Variants in CA10 observed in about 807,000 individuals in gnomAD.
CA10 encodes carbonic anhydrase 10 (inactive), also known as carbonic anhydrase-related protein 10.
A neutral mutation model predicts 44.2 loss-of-function variants in CA10; 14 were observed. The ratio of observed to expected loss-of-function variants is 0.32; its 90% CI spans 0.21 to 0.50. The LOEUF (loss-of-function observed/expected upper bound fraction) is 0.50, where lower values mean the gene tolerates loss of function less well. Ranked by LOEUF, CA10 falls within the 20% of genes least tolerant of loss-of-function variation. The pLI is 0.99. For synonymous variants in CA10, 159 were observed against 141.6 expected, an observed-to-expected ratio of 1.12 and a Z score of -0.87; for missense variants, 350 against 409.7, an observed-to-expected ratio of 0.85 and a Z score of 1.26.
At chr17:51,970,649 C>T (rs1984248950) in intron 2 of CA10, among the ~76,000 whole-genome samples, 1 of 152,008 alleles carries the variant, frequency 6.6e-6, no homozygotes, top group South Asian at 2.1e-4. Context: ...ATGCATTAAT[C>T]CTTTTGTGAT....
At chr17:51,757,745 T>C (rs1412830379) in intron 3 of CA10, among the ~76,000 whole-genome samples, 1 of 152,230 alleles carries the variant, frequency 6.6e-6, no homozygotes, top group Non-Finnish European at 1.5e-5. Flanking sequence ...CTCTTCTCAC[T>C]GTTTGTCCAG....
At chr17:51,741,268 T>C (rs1423733190) in intron 4 of CA10, among the ~76,000 whole-genome samples, 1 of 152,168 alleles carries the variant, frequency 6.6e-6, no homozygotes, top group Non-Finnish European at 1.5e-5. Context: ...CCCTCCAGGG[T>C]AGCGCTTAAT....
intron 3 of CA10, among the ~76,000 whole-genome samples, chr17:51,828,581 A>T (rs1286863931): frequency 6.6e-6 from 1 of 152,186 alleles, no homozygotes; most frequent in African/African-American, 2.4e-5. Context: ...AGCCAAAATA[A>T]GGCATCCCAA....
At chr17:51,768,665 C>T (rs2143651746) in intron 3 of CA10, among the ~76,000 whole-genome samples, 1 of 152,256 alleles carries the variant, frequency 6.6e-6, no homozygotes, top group East Asian at 1.9e-4. Flanking sequence ...ACAGTGATGA[C>T]AGTTACCTTC....
Position 51,653,710 on chromosome 17 carries a change from C to A in CA10, c.492G>T (p.Glu164Asp), listed in dbSNP as rs1231495184. ...CAGCTTCTGTGACATTCGTATATAG[C>A]TCATGGTTATAGTGGATGAGCTGCA... is the stretch of plus-strand genomic sequence containing the variant. Reference protein sequence around the residue: ...GEVQLIHYNHELYTNVTEAAK... With the variant: ...GEVQLIHYNHDLYTNVTEAAK... Residue 164 changes from glutamate (E) to aspartate (D), a missense_variant, in exon 5 of 9, where the codon GAG (glutamate) becomes GAT (aspartate). Coordinates refer to ENST00000451037, the MANE Select transcript of CA10 (RefSeq NM_020178.5). The A allele has an allele frequency of 6.2e-7, 1 of 1,610,008 alleles. No individual in the cohort carries two copies. The highest frequency in any genetic ancestry group is 8.5e-7 in the Non-Finnish European group (1 of 1,176,352).
chr17:51,705,675 T>C (rs1915741203), intron 4 of CA10, among the ~76,000 whole-genome samples: 1 of 151,938 alleles, frequency 6.6e-6, no homozygotes, highest in African/African-American at 2.4e-5. Context: ...AACTCACTGC[T>C]CATAAGAGCA....
intron 2 of CA10, among the ~76,000 whole-genome samples, chr17:52,021,907 A>G (rs1986153346): frequency 6.6e-6 from 1 of 152,084 alleles, no homozygotes; most frequent in South Asian, 2.1e-4. Context: ...TGAATCAGTC[A>G]TTTTAAAAGA....
intron 3 of CA10, among the ~76,000 whole-genome samples, chr17:51,925,482 T>C (rs1982392752): frequency 6.6e-6 from 1 of 150,794 alleles, no homozygotes; most frequent in African/African-American, 2.4e-5. Context: ...GGAATCCTTG[T>C]GTGTTGCTGA....
At chr17:51,746,308 T>C (rs1904686097) in intron 4 of CA10, among the ~76,000 whole-genome samples, 2 of 152,232 alleles carry the variant, frequency 1.3e-5, no homozygotes, top group Admixed American at 1.3e-4. Context: ...TCAGTGTTTT[T>C]ACATCTGGAA....
At chr17:51,875,663 A>T (rs1047815089) in intron 3 of CA10, among the ~76,000 whole-genome samples, 3 of 152,004 alleles carry the variant, frequency 2.0e-5, no homozygotes, top group African/African-American at 7.3e-5. Flanking sequence ...TTAAAAAGTT[A>T]TTTATATTAC....
chr17:51,873,413 G>T (rs189291540), intron 3 of CA10, among the ~76,000 whole-genome samples: 14 of 152,164 alleles, frequency 9.2e-5, no homozygotes, highest in Non-Finnish European at 1.9e-4. Flanking sequence ...CAGTGCATTA[G>T]GTAGTTGGCA....
intron 2 of CA10, among the ~76,000 whole-genome samples, chr17:52,047,798 T>C (rs532951244): frequency 1.3e-5 from 2 of 152,096 alleles, no homozygotes; most frequent in South Asian, 4.2e-4. Flanking sequence ...ACCTAATATA[T>C]GGAATTTATT....
At chr17:51,830,195 C>CAAAAAAAAAAAAAAAAAAAAAAAA (rs1220410518) in intron 3 of CA10, among the ~76,000 whole-genome samples, 18 of 89,970 alleles carry the variant, frequency 2.0e-4, no homozygotes, top group African/African-American at 3.8e-4. Context: ...GACTCCATCT[C>CAAAAAAAAAAAAAAAAAAAAAAAA]AAAAAAAAAA....
chr17:52,005,923 T>C (rs1162271330), intron 2 of CA10, among the ~76,000 whole-genome samples: 1 of 151,726 alleles, frequency 6.6e-6, no homozygotes, highest in Non-Finnish European at 1.5e-5. Flanking sequence ...TGAGCTGACT[T>C]AAAGGTTCAA....
intron 2 of CA10, among the ~76,000 whole-genome samples, chr17:52,067,017 G>T (rs979715359): frequency 2.0e-5 from 3 of 152,256 alleles, no homozygotes; most frequent in African/African-American, 7.2e-5. Flanking sequence ...GCAGCCTGAT[G>T]ATGTGATAGA....
At chr17:51,729,169 C>A (rs1916627143) in intron 4 of CA10, among the ~76,000 whole-genome samples, 1 of 152,122 alleles carries the variant, frequency 6.6e-6, no homozygotes, top group Non-Finnish European at 1.5e-5. Flanking sequence ...TGACCTCTAG[C>A]CCCACCCTAC....
chr17:51,633,489 C>T lies in CA10; in HGVS notation c.951G>A (p.Lys317=). 1 of 1,613,472 alleles carries T rather than the reference C, an allele frequency of 6.2e-7. No homozygotes were observed. Among genetic ancestry groups the T allele is most frequent in the African/African-American group, 1.3e-5 (1 of 75,054 alleles). The change falls in exon 8 of 9, where the codon AAG becomes AAA. Residue 317 remains lysine, a synonymous_variant. Coordinates refer to ENST00000451037, the MANE Select transcript of CA10 (RefSeq NM_020178.5). The part of the protein sequence containing the change: ...GKDCPNNRAQ[K]LQYRVNEWLL... ...CACCAAACCCACCTCTATACTGAAG[C>T]TTCTGGGCTCGGTTGTTTGGACAGT...
At chr17:51,895,962 T>C (rs1981049935) in intron 3 of CA10, among the ~76,000 whole-genome samples, 1 of 152,096 alleles carries the variant, frequency 6.6e-6, no homozygotes, top group Non-Finnish European at 1.5e-5. Context: ...GACAATATAA[T>C]GAATATCAGT....
At chr17:51,896,225 A>G (rs949991193) in intron 3 of CA10, among the ~76,000 whole-genome samples, 19 of 152,164 alleles carry the variant, frequency 1.2e-4, no homozygotes, top group South Asian at 2.1e-4. Context: ...GTAGTTTTCC[A>G]GTCCTCATCT....
Sources: gnomAD v4.1 joint callset for allele counts (sites outside exome capture counted in the v4.1 genomes callset) on GRCh38, gnomAD v4.1.1 for gene constraint, MANE v1.5 for transcripts, NCBI Gene and HGNC (gene_info 2026-07-23, HGNC 2026-07-21) for gene names.